Variants in LRRK1 observed in about 807,000 individuals in gnomAD.
LRRK1 encodes the protein leucine-rich repeat serine/threonine-protein kinase 1.
LRRK1 carries 113 observed loss-of-function variants against 209.1 expected under a neutral mutation model. The observed-to-expected ratio is 0.54, with a 90% CI of 0.46 to 0.63. The LOEUF (loss-of-function observed/expected upper bound fraction) is 0.63, where lower values mean the gene tolerates loss of function less well. Among genes scored for constraint, LRRK1 ranks in the 30% least tolerant of loss-of-function variants. The probability of loss-of-function intolerance (pLI) is 0.00; values close to 1 mark genes in which losing one functional copy is unlikely to be tolerated. For missense variants in LRRK1, 2,284 were observed against 2,632.2 expected (o/e 0.87, Z 2.89); for synonymous variants, 1,144 against 1,099.7 (o/e 1.04, Z -0.80).
intron 2 of LRRK1, among the ~76,000 whole-genome samples, chr15:100,934,677 C>CT (rs2042265937): frequency 6.7e-6 from 1 of 148,796 alleles, no homozygotes; most frequent in Non-Finnish European, 1.5e-5. Context: ...AGGCACACAC[C>CT]TGTGGTCCCA....
At chr15:100,922,332 G>T (rs2042034799) in intron 1 of LRRK1, among the ~76,000 whole-genome samples, 1 of 152,120 alleles carries the variant, frequency 6.6e-6, no homozygotes, top group Admixed American at 6.5e-5. Flanking sequence ...TTTTAAAACT[G>T]CTCCAGGGGC....
intron 6 of LRRK1, among the ~76,000 whole-genome samples, chr15:100,996,266 T>C (rs2032405223): frequency 6.6e-6 from 1 of 152,216 alleles, no homozygotes; most frequent in Admixed American, 6.5e-5. Flanking sequence ...CCACATACCC[T>C]CTTCTCAGCA....
chr15:101,017,279 C>T lies in LRRK1; in HGVS notation c.1609+1877C>T, dbSNP rs186428438. ...TGAACTAGGGAGTTTGCCGCTGCTA[C>T]GCTCTTGGATGAACTGGTGTGCTTG... On this transcript the variant is annotated intron_variant, in intron 12 of 33. Transcript: ENST00000388948. 2.7e-4 allele frequency among the ~76,000 whole-genome samples: 41 copies of T among 152,328 alleles called. 1 individual carries two copies. In the East Asian group the frequency reaches 5.2e-3, roughly 19 times the overall value.
chr15:100,979,928 C>T (rs893351257), intron 3 of LRRK1, among the ~76,000 whole-genome samples: 8 of 152,056 alleles, frequency 5.3e-5, no homozygotes, highest in Non-Finnish European at 1.0e-4. Flanking sequence ...AGTGACAGTA[C>T]CAAATTCAGA....
chr15:100,980,137 C>T (rs990081855), intron 3 of LRRK1, among the ~76,000 whole-genome samples: 2 of 152,064 alleles, frequency 1.3e-5, no homozygotes, highest in African/African-American at 4.8e-5. Flanking sequence ...TGTGTCATAC[C>T]AACTTTATTT....
chr15:100,995,029 C>G (rs576475075), intron 6 of LRRK1, among the ~76,000 whole-genome samples: 38 of 152,258 alleles, frequency 2.5e-4, no homozygotes, highest in African/African-American at 8.7e-4. Context: ...CTGAAAAGGC[C>G]TTTGGCACTG....
chr15:100,973,348 T>TGGGG (rs1398376485), intron 2 of LRRK1, among the ~76,000 whole-genome samples: 1 of 152,184 alleles, frequency 6.6e-6, no homozygotes, highest in African/African-American at 2.4e-5. Flanking sequence ...ACGCCCTTCG[T>TGGGG]GGGGTTTTCT....
At position 101,055,109 on chromosome 15, in the gene LRRK1, G is replaced by GCTAT; in HGVS notation, c.4221_4224dup (p.Asp1409IlefsTer2). ...ACGTCAAGGAGCACATCAACATCAA[G>GCTAT]CTATCTGACTACGGGATTTCGAGGC... On this transcript the variant is annotated frameshift_variant, in exon 27 of 34. Transcript: ENST00000388948. LOFTEE classifies it high-confidence loss of function. The GCTAT allele has an allele frequency of 2.5e-6, 4 of 1,614,102 alleles. No individual in the cohort carries two copies. Among genetic ancestry groups the GCTAT allele is most frequent in the Non-Finnish European group, 2.5e-6 (3 of 1,179,998 alleles).
Position 101,076,798 on chromosome 15 carries a change from C to G in LRRK1, c.*7950C>G, listed in dbSNP as rs1324795280. ...ACTCAACATGCCCCGAGTCAGATAA[C>G]TAAAATACCTCTTATTCTAGGTAGA... On this transcript the variant is annotated 3_prime_UTR_variant, in exon 34 of 34. Transcript: ENST00000388948. The G allele has an allele frequency of 6.6e-6, 1 of 152,290 alleles. No individual in the cohort carries two copies. Among genetic ancestry groups the G allele is most frequent in the Non-Finnish European group, 1.5e-5 (1 of 68,112 alleles). 9.4% of individuals were successfully genotyped at this position (152,290 alleles called of 1,614,324 possible).
intron 6 of LRRK1, among the ~76,000 whole-genome samples, chr15:100,991,411 TA>T (rs1416794273): frequency 6.6e-6 from 1 of 152,196 alleles, no homozygotes; most frequent in African/African-American, 2.4e-5. Context: ...CTTTTCTTCC[TA>T]AAACTCCTGG....
At chr15:100,946,635 G>A (rs1354533220) in intron 2 of LRRK1, among the ~76,000 whole-genome samples, 1 of 152,174 alleles carries the variant, frequency 6.6e-6, no homozygotes, top group African/African-American at 2.4e-5. Flanking sequence ...GGGCATTTGG[G>A]CGATTCCTAA....
At chr15:101,058,594 G>A (rs1359523941) in intron 29 of LRRK1, among the ~76,000 whole-genome samples, 3 of 123,730 alleles carry the variant, frequency 2.4e-5, no homozygotes, top group Non-Finnish European at 4.9e-5. Flanking sequence ...ATGTTCTGCT[G>A]CCCCAGATTG....
At chr15:101,026,547 T>G (rs2034042182) in intron 17 of LRRK1, among the ~76,000 whole-genome samples, 1 of 152,082 alleles carries the variant, frequency 6.6e-6, no homozygotes, top group South Asian at 2.1e-4. Flanking sequence ...AGCCTTTGAG[T>G]CACAGAGGGC....
intron 20 of LRRK1, among the ~76,000 whole-genome samples, chr15:101,042,957 C>T (rs1351604368): frequency 6.6e-6 from 1 of 152,174 alleles, no homozygotes; most frequent in Non-Finnish European, 1.5e-5. Flanking sequence ...GGGGAGCACA[C>T]GAGGGGTGAG....
In LRRK1 at chr15:101,027,317, A is replaced by G; in HGVS notation, c.2462A>G (p.His821Arg). The change falls in exon 18 of 34, where the codon CAC (histidine) becomes CGC (arginine). Residue 821 changes from histidine to arginine, a missense_variant. Coordinates refer to ENST00000388948, the MANE Select transcript of LRRK1 (RefSeq NM_024652.6). The surrounding 1 kb of genome is among the most constrained non-coding windows in gnomAD (Gnocchi z 5.1). ...GQEGLRQLIF[H>R]VTCSMKDVGS... Reference sequence around the variant, plus strand: ...GAAGGGCTGCGACAGCTGATTTTCCACGTCACGTGCAGCATGAAGGACGTG... The same window carrying G: ...GAAGGGCTGCGACAGCTGATTTTCCGCGTCACGTGCAGCATGAAGGACGTG... 6.2e-7 allele frequency: 1 copy of G among 1,614,132 alleles called. No individual in the cohort carries two copies. Among genetic ancestry groups the G allele is most frequent in the East Asian group, 2.2e-5 (1 of 44,878 alleles).
chr15:100,956,455 C>CTTTTTTTTTCTT (rs2042762731), intron 2 of LRRK1, among the ~76,000 whole-genome samples: 1 of 60,532 alleles, frequency 1.7e-5, no homozygotes, highest in East Asian at 4.7e-4. Flanking sequence ...TTTTTTTTTT[C>CTTTTTTTTTCTT]TTTTTTTTTT....
intron 20 of LRRK1, among the ~76,000 whole-genome samples, chr15:101,029,707 A>C (rs944150344): frequency 6.6e-6 from 1 of 152,104 alleles, no homozygotes; most frequent in Admixed American, 6.5e-5. Context: ...GTTTCTACTA[A>C]AAATACAAAA....
At chr15:101,063,741 G>A (rs950580284) in intron 31 of LRRK1, among the ~76,000 whole-genome samples, 5 of 151,728 alleles carry the variant, frequency 3.3e-5, no homozygotes, top group South Asian at 4.2e-4. Flanking sequence ...TGGTAAATGA[G>A]TATTATTATT....
chr15:100,991,418 C>A (rs1490097299), intron 6 of LRRK1, among the ~76,000 whole-genome samples: 1 of 152,072 alleles, frequency 6.6e-6, no homozygotes, highest in Non-Finnish European at 1.5e-5. Context: ...TCCTAAAACT[C>A]CTGGACCTGT....
Sources: allele counts gnomAD v4.1 joint callset (sites outside exome capture counted in the v4.1 genomes callset), GRCh38; gene constraint gnomAD v4.1.1; non-coding constraint Gnocchi (gnomAD v3.1); transcripts MANE v1.5; gene names NCBI Gene and HGNC (gene_info 2026-07-23, HGNC 2026-07-21).